The following GLB1 variants were observed in gnomAD, a reference collection of about 807,000 sequenced individuals.
GLB1 encodes galactosidase beta 1.
A neutral mutation model predicts 74.0 loss-of-function variants in GLB1; 56 were observed. The observed-to-expected ratio is 0.76, with a 90% CI of 0.61 to 0.94. GLB1 has a LOEUF of 0.94. Among genes scored for constraint, GLB1 ranks in the 40% least tolerant of loss-of-function variants. The pLI is 0.00. For missense variants in GLB1, 787 were observed against 845.5 expected, an observed-to-expected ratio of 0.93 and a Z score of 0.86; for synonymous variants, 323 against 323.6, an observed-to-expected ratio of 1.00 and a Z score of 0.02.
chr3:33,096,871 C>A lies in GLB1; in HGVS notation c.75+140G>T, dbSNP rs1263597451. The A allele has an allele frequency of 6.3e-6, 9 of 1,427,040 alleles. No homozygotes were observed. In the South Asian group the frequency reaches 1.0e-4, roughly 16 times the overall value. The allele number at this position is 1,427,040 out of a possible 1,614,324, so 88.4% of individuals were successfully genotyped here. A position where few individuals can be genotyped will look rare whatever the true frequency, so the allele number is the denominator to read the frequency against. On this transcript the variant is annotated intron_variant, in intron 1 of 15. Coordinates refer to ENST00000307363, the MANE Select transcript of GLB1 (RefSeq NM_000404.4). Reference sequence around the variant, plus strand: ...GGCCGGTCCACTGCCTGCGTTCCGCCGGCCGCGAGCCTGCTGGGGGGCACT... The same window carrying A: ...GGCCGGTCCACTGCCTGCGTTCCGCAGGCCGCGAGCCTGCTGGGGGGCACT...
intron 9 of GLB1, among the ~76,000 whole-genome samples, chr3:33,047,850 C>T (rs562112873): frequency 5.5e-4 from 84 of 152,092 alleles, no homozygotes; most frequent in Non-Finnish European, 1.0e-3. Flanking sequence ...CTAGTCATAC[C>T]ATTTCCCCCA....
At chr3:32,993,807 G>A (rs140741509), downstream of GLB1, among the ~76,000 whole-genome samples, 154 of 151,962 alleles carry the variant, frequency 1.0e-3, no homozygotes, top group African/African-American at 3.3e-3. Flanking sequence ...TGCTTGGATT[G>A]CAGGTGTGAG....
At chr3:33,033,703 C>T (rs1239093299) in intron 10 of GLB1, among the ~76,000 whole-genome samples, 3 of 151,040 alleles carry the variant, frequency 2.0e-5, no homozygotes, top group Admixed American at 6.6e-5. Flanking sequence ...ATCGCTTGAA[C>T]CTGGGAGGCA....
chr3:33,083,100 A>C (rs1700379499), intron 1 of GLB1, among the ~76,000 whole-genome samples: 1 of 152,152 alleles, frequency 6.6e-6, no homozygotes, highest in South Asian at 2.1e-4. Context: ...GAAGGCGATC[A>C]AAAAAAGTGG....
chr3:33,038,222 C>T (rs1405648739), intron 10 of GLB1, among the ~76,000 whole-genome samples: 1 of 152,162 alleles, frequency 6.6e-6, no homozygotes, highest in African/African-American at 2.4e-5. Flanking sequence ...GTAGACTTAT[C>T]ACTCACCTCT....
chr3:33,061,911 A>G lies in GLB1; in HGVS notation c.552+3552T>C, dbSNP rs1559406526. Among the ~76,000 whole-genome samples the G allele has an allele frequency of 2.6e-5, 4 of 152,308 alleles. No homozygotes were observed. In the South Asian group the frequency reaches 8.3e-4, roughly 32 times the overall value. Reference sequence around the variant, plus strand: ...CATCTGCATATCTGACTGAATCATGACGATGAATAAAAGCACAGACCTGGT... The same window carrying G: ...CATCTGCATATCTGACTGAATCATGGCGATGAATAAAAGCACAGACCTGGT... On this transcript the variant is annotated intron_variant, in intron 5 of 15. Transcript: ENST00000307363.
At chr3:33,052,351 A>G in intron 7 of GLB1, among the ~76,000 whole-genome samples, 1 of 152,224 alleles carries the variant, frequency 6.6e-6, no homozygotes, top group East Asian at 1.9e-4. Flanking sequence ...TAACAGCTCC[A>G]GGCCGGGCGC....
chr3:33,065,912 G>A (rs1299810010), intron 4 of GLB1, among the ~76,000 whole-genome samples: 1 of 149,342 alleles, frequency 6.7e-6, no homozygotes, highest in Admixed American at 6.7e-5. Context: ...AGGTTGCGGT[G>A]AGCCAAGATC....
intron 15 of GLB1, among the ~76,000 whole-genome samples, chr3:33,011,308 C>T (rs755231814): frequency 7.9e-5 from 12 of 151,936 alleles, no homozygotes; most frequent in Non-Finnish European, 1.8e-4. Context: ...CAAGTGTTTA[C>T]AGCAGTATTA....
At chr3:32,973,389 A>G in the GLB1 span, among the ~76,000 whole-genome samples, 1 of 152,030 alleles carries the variant, frequency 6.6e-6, no homozygotes, top group Non-Finnish European at 1.5e-5. Context: ...GCTGGTGTGC[A>G]GTGGTGCAAT....
intron 10 of GLB1, among the ~76,000 whole-genome samples, chr3:33,039,774 AAACACCCTCAAACAAGATGTATAT>A (rs1698428601): frequency 6.6e-6 from 1 of 152,240 alleles, no homozygotes; most frequent in Non-Finnish European, 1.5e-5. Context: ...TAGGAAGTTC[AAACACCCTCAAACAAGATGTATAT>A]AAAGAAAACT....
chr3:33,019,558 A>C (rs1002449546), intron 12 of GLB1, among the ~76,000 whole-genome samples: 5 of 152,308 alleles, frequency 3.3e-5, no homozygotes, highest in Admixed American at 1.3e-4. Flanking sequence ...GGAGCTGAGG[A>C]GAGCACTAAT....
chr3:33,086,983 GA>G (rs145335057), intron 1 of GLB1, among the ~76,000 whole-genome samples: 103 of 129,468 alleles, frequency 8.0e-4, no homozygotes, highest in Non-Finnish European at 3.7e-4. Flanking sequence ...AAGATAGTAG[GA>G]AAAAAAAACA....
intron 5 of GLB1, among the ~76,000 whole-genome samples, chr3:33,063,021 C>T (rs772417975): frequency 6.6e-6 from 1 of 152,062 alleles, no homozygotes; most frequent in African/African-American, 2.4e-5. Flanking sequence ...CAAAAGGAGG[C>T]GACAGTGACG....
At chr3:33,015,250 G>C (rs532683115) in intron 14 of GLB1, among the ~76,000 whole-genome samples, 1 of 152,160 alleles carries the variant, frequency 6.6e-6, no homozygotes, top group Non-Finnish European at 1.5e-5. Context: ...ATGCAGCCAG[G>C]AGCAAATATT....
chr3:33,078,333 A>G (rs77165088), intron 1 of GLB1, among the ~76,000 whole-genome samples: 4 of 152,358 alleles, frequency 2.6e-5, no homozygotes, highest in African/African-American at 4.8e-5. Flanking sequence ...ATAATCATCA[A>G]TAGATGCTAA....
At chr3:32,979,429 A>G in the GLB1 span, among the ~76,000 whole-genome samples, 1 of 152,158 alleles carries the variant, frequency 6.6e-6, no homozygotes, top group Non-Finnish European at 1.5e-5. Context: ...TCTATTGAAT[A>G]CGTATTTTTC....
intron 15 of GLB1, among the ~76,000 whole-genome samples, chr3:33,013,055 T>G (rs943090645): frequency 3.9e-5 from 6 of 152,194 alleles, no homozygotes; most frequent in African/African-American, 1.4e-4. Context: ...AGACAAAACT[T>G]TAACGTGGCC....
intron 6 of GLB1, among the ~76,000 whole-genome samples, chr3:33,054,343 T>G (rs9819337): frequency 6.6e-6 from 1 of 151,978 alleles, no homozygotes; most frequent in Non-Finnish European, 1.5e-5. Flanking sequence ...TTGGACCCAT[T>G]TGAAGATGTG....
Sources: allele counts gnomAD v4.1 joint callset (sites outside exome capture counted in the v4.1 genomes callset), GRCh38; gene constraint gnomAD v4.1.1; transcripts MANE v1.5; gene names NCBI Gene and HGNC (gene_info 2026-07-23, HGNC 2026-07-21).